Variants in AKAP8 observed in about 807,000 individuals in gnomAD.
AKAP8 encodes the protein A-kinase anchoring protein 8.
AKAP8 carries 24 observed loss-of-function variants against 67.5 expected under a neutral mutation model. The observed-to-expected ratio is 0.36, with a 90% CI of 0.26 to 0.50. The LOEUF (loss-of-function observed/expected upper bound fraction) is 0.50, where lower values mean the gene tolerates loss of function less well. Among genes scored for constraint, AKAP8 ranks in the 20% least tolerant of loss-of-function variants. AKAP8 has a pLI of 0.97. For missense variants in AKAP8, 971 were observed against 955.9 expected, an observed-to-expected ratio of 1.02 and a Z score of -0.21; for synonymous variants, 400 against 371.1, an observed-to-expected ratio of 1.08 and a Z score of -0.90.
chr19:15,364,057 AAAATAAAT>A (rs71176405), intron 9 of AKAP8, among the ~76,000 whole-genome samples: 1,448 of 82,968 alleles, frequency 0.017, 17 homozygotes, highest in Middle Eastern at 0.027. Flanking sequence ...ATGATCAATA[AAAATAAAT>A]AAATAAATAA....
rs555418848 is a variant in AKAP8 at position 15,372,129 on chromosome 19, G to A, written c.991+89C>T. 7 of 1,608,274 alleles carry A rather than the reference G, an allele frequency of 4.4e-6. No individual in the cohort carries two copies. In the South Asian group the frequency reaches 7.7e-5, roughly 18 times the overall value. On this transcript the variant is annotated intron_variant, in intron 6 of 13. Coordinates refer to ENST00000269701, the MANE Select transcript of AKAP8 (RefSeq NM_005858.4). The stretch of plus-strand genomic sequence containing the variant: ...GGGTTGAAACATGCCACCTGCGAGT[G>A]TCCACGACACAGATGGGGCAAGCAG...
In AKAP8 at chr19:15,379,577, T is replaced by C. The variant is rs1020765895; in HGVS notation, c.19+136A>G. Reference sequence around the variant, plus strand: ...CCCAATGAGCGGCGCGCGCGCGCCCTGGCCGCCTCTCCGGAGGGCCCAGCT... The same window carrying C: ...CCCAATGAGCGGCGCGCGCGCGCCCCGGCCGCCTCTCCGGAGGGCCCAGCT... On this transcript the variant is annotated intron_variant, in intron 1 of 13. Transcript: ENST00000269701. 103 of 989,908 alleles carry C rather than the reference T, an allele frequency of 1.0e-4. 2 individuals carry two copies. The highest frequency in any genetic ancestry group is 4.3e-5 in the Non-Finnish European group (31 of 722,360). The allele number at this position is 989,908 out of a possible 1,614,324, so 61.3% of individuals were successfully genotyped here. A position where few individuals can be genotyped will look rare whatever the true frequency, so the allele number is the denominator to read the frequency against.
At chr19:15,363,747 C>T (rs1037689239) in intron 9 of AKAP8, among the ~76,000 whole-genome samples, 1 of 152,158 alleles carries the variant, frequency 6.6e-6, no homozygotes, top group African/African-American at 2.4e-5. Context: ...ATTGAGAAAT[C>T]GGATGGTTGC....
Position 15,376,983 on chromosome 19 carries a change from G to A in AKAP8, c.51C>T (p.Asn17=). 6.2e-7 allele frequency: 1 copy of A among 1,612,982 alleles called. No individual in the cohort carries two copies. The highest frequency in any genetic ancestry group is 8.5e-7 in the Non-Finnish European group (1 of 1,179,562). ...GYGAWSAGPA[N]TQGAYGTGVA... ...AAAGCAGAGCCCACTTACCCTGGGTGTTGGCAGGTCCAGCACTCCACGCCC... is the reference window on the plus strand; with the variant it reads ...AAAGCAGAGCCCACTTACCCTGGGTATTGGCAGGTCCAGCACTCCACGCCC... The change falls in exon 2 of 14, where the codon AAC becomes AAT. Residue 17 remains asparagine, a synonymous_variant. Coordinates refer to ENST00000269701, the MANE Select transcript of AKAP8 (RefSeq NM_005858.4).
intron 9 of AKAP8, among the ~76,000 whole-genome samples, chr19:15,362,588 A>C (rs1966988039): frequency 6.6e-6 from 1 of 151,148 alleles, no homozygotes; most frequent in Non-Finnish European, 1.5e-5. Context: ...TCCAGCTCCT[A>C]ACCGCGAGTG....
intron 13 of AKAP8, among the ~76,000 whole-genome samples, chr19:15,357,253 C>T (rs1483400067): frequency 2.6e-5 from 4 of 151,516 alleles, no homozygotes; most frequent in Non-Finnish European, 4.4e-5. Context: ...GCCACCACGC[C>T]CGGCCACCCC....
intron 9 of AKAP8, among the ~76,000 whole-genome samples, chr19:15,362,558 C>T (rs1419854108): frequency 6.6e-6 from 1 of 151,898 alleles, no homozygotes; most frequent in African/African-American, 2.4e-5. Flanking sequence ...CGGGGTTTCG[C>T]TGTGTTGGCC....
intron 7 of AKAP8, among the ~76,000 whole-genome samples, chr19:15,371,511 CG>C (rs952948610): frequency 1.1e-3 from 171 of 148,974 alleles, no homozygotes; most frequent in African/African-American, 4.0e-3. Context: ...TTTTTTGAGA[CG>C]GAGTCTCCCT....
chr19:15,357,979 G>A (rs1007979544), intron 13 of AKAP8, among the ~76,000 whole-genome samples: 10 of 151,980 alleles, frequency 6.6e-5, no homozygotes, highest in East Asian at 1.9e-4. Context: ...CACCACGCCC[G>A]GCCCAGTCAT....
rs775262452 is a variant in AKAP8, at chr19:15,354,127, G to A, written c.*788C>T. 1 of 151,866 alleles carries A rather than the reference G, an allele frequency of 6.6e-6. No homozygotes were observed. Among genetic ancestry groups the A allele is most frequent in the Non-Finnish European group, 1.5e-5 (1 of 68,016 alleles). The allele number at this position is 151,866 out of a possible 1,614,324, so 9.4% of individuals were successfully genotyped here. On this transcript the variant is annotated 3_prime_UTR_variant, in exon 14 of 14. Coordinates refer to ENST00000269701, the MANE Select transcript of AKAP8 (RefSeq NM_005858.4). The stretch of plus-strand genomic sequence containing the variant: ...GCCTCCCGAAGTGCTGGGATTATAG[G>A]TATGCATCACCGTGCCTGGCCAAAT...
chr19:15,374,336 G>T (rs2145085415), intron 3 of AKAP8, among the ~76,000 whole-genome samples: 1 of 152,322 alleles, frequency 6.6e-6, no homozygotes, highest in South Asian at 2.1e-4. Context: ...GAGAGCCTGG[G>T]AACAGCAGTT....
intron 2 of AKAP8, among the ~76,000 whole-genome samples, chr19:15,376,077 G>C (rs557956870): frequency 6.6e-6 from 1 of 151,978 alleles, no homozygotes; most frequent in Non-Finnish European, 1.5e-5. Flanking sequence ...CTACAGGCAC[G>C]CACTGCCACG....
At chr19:15,367,049 A>G (rs1018268491) in intron 9 of AKAP8, among the ~76,000 whole-genome samples, 3 of 152,184 alleles carry the variant, frequency 2.0e-5, no homozygotes, top group Non-Finnish European at 4.4e-5. Context: ...CTGAGATTAC[A>G]GGCACCTGCC....
intron 8 of AKAP8, 193 bp from the exon 9 acceptor site, chr19:15,368,515 CG>C: frequency 1.0e-6 from 1 of 985,218 alleles, no homozygotes; most frequent in Non-Finnish European, 1.2e-6. Context: ...AGTGAGAGCC[CG>C]GAGTAGTCAC....
At chr19:15,357,124 ATTTT>A (rs923405254) in intron 13 of AKAP8, among the ~76,000 whole-genome samples, 2 of 148,678 alleles carry the variant, frequency 1.3e-5, no homozygotes, top group African/African-American at 4.9e-5. Flanking sequence ...CGCCTGGCTA[ATTTT>A]TTTTTTATTT....
chr19:15,378,028 A>C (rs1307603984), intron 1 of AKAP8, among the ~76,000 whole-genome samples: 1 of 151,998 alleles, frequency 6.6e-6, no homozygotes, highest in Non-Finnish European at 1.5e-5. Flanking sequence ...GAACATATCC[A>C]TGTCTCCCTC....
intron 8 of AKAP8, 122 bp from the exon 9 acceptor site, chr19:15,368,444 C>T (rs139541253): frequency 4.2e-4 from 664 of 1,571,248 alleles, no homozygotes; most frequent in African/African-American, 2.6e-3. Flanking sequence ...GCCTGCACCA[C>T]GCGGCAGGGT....
At position 15,371,491 on chromosome 19, in the gene AKAP8, C is replaced by CTT. The variant is rs969928262; in HGVS notation, c.1038+459_1038+460dup. Among the ~76,000 whole-genome samples the CTT allele has an allele frequency of 6.2e-5, 9 of 144,130 alleles. No homozygotes were observed. In the East Asian group the frequency reaches 8.1e-4, roughly 13 times the overall value. 94.6% of individuals were successfully genotyped at this position (144,130 alleles called of 152,430 possible). On this transcript the variant is annotated intron_variant, in intron 7 of 13. Transcript: ENST00000269701. ...AGGAATGTTTGTTGTAAGTTGAAAACTTTTTTTTTTTTTTTGAGACGGAGT... is the reference window on the plus strand; with the variant it reads ...AGGAATGTTTGTTGTAAGTTGAAAACTTTTTTTTTTTTTTTTTGAGACGGAGT...
At chr19:15,364,515 T>A (rs1967038537) in intron 9 of AKAP8, among the ~76,000 whole-genome samples, 1 of 151,894 alleles carries the variant, frequency 6.6e-6, no homozygotes, top group Non-Finnish European at 1.5e-5. Flanking sequence ...CACTCCCAGT[T>A]AATTTTTGTA....
Sources: allele counts gnomAD v4.1 joint callset (sites outside exome capture counted in the v4.1 genomes callset), GRCh38; gene constraint gnomAD v4.1.1; transcripts MANE v1.5; gene names NCBI Gene and HGNC (gene_info 2026-07-23, HGNC 2026-07-21).